Variants in MED12L observed in about 807,000 individuals in gnomAD.
MED12L encodes the protein mediator of RNA polymerase II transcription subunit 12-like protein.
A neutral mutation model predicts 281.3 loss-of-function variants in MED12L; 60 were observed. The ratio of observed to expected loss-of-function variants is 0.21; its 90% CI spans 0.17 to 0.26. The LOEUF (loss-of-function observed/expected upper bound fraction) is 0.26. MED12L is among the 10% of genes least tolerant of loss of function. The pLI, the probability that MED12L is intolerant of heterozygous loss-of-function variation, is 1.00. For missense variants in MED12L, 2,146 were observed against 2,680.9 expected, an observed-to-expected ratio of 0.80 and a Z score of 4.41; for synonymous variants, 974 against 987.2, an observed-to-expected ratio of 0.99 and a Z score of 0.25.
chr3:151,413,350 G>C, intron 42 of MED12L, 55 bp downstream of exon 42: 1 of 1,537,726 alleles, frequency 6.5e-7, no homozygotes, highest in East Asian at 2.3e-5. Context: ...GTGCAAATAT[G>C]CAACAGTCAT....
intron 43 of MED12L, among the ~76,000 whole-genome samples, chr3:151,422,798 G>A (rs1397094412): frequency 1.4e-5 from 2 of 147,206 alleles, no homozygotes; most frequent in African/African-American, 5.0e-5. Context: ...GATGTTGAAG[G>A]CAGTAGGATT....
intron 16 of MED12L, among the ~76,000 whole-genome samples, chr3:151,219,818 G>C (rs1395948414): frequency 6.6e-6 from 1 of 150,730 alleles, no homozygotes; most frequent in Non-Finnish European, 1.5e-5. Context: ...TATTGATTTG[G>C]TTGCAGCCTC....
At chr3:151,178,960 T>C (rs990471039) in intron 11 of MED12L, among the ~76,000 whole-genome samples, 6 of 152,232 alleles carry the variant, frequency 3.9e-5, no homozygotes, top group African/African-American at 7.2e-5. Context: ...CTTTCAATTT[T>C]TTATTTTTAT....
intron 16 of MED12L, chr3:151,338,945 G>A (rs1751423287): frequency 8.5e-7 from 1 of 1,183,148 alleles, no homozygotes; most frequent in African/African-American, 1.5e-5. Context: ...TTTGGACACA[G>A]CCTCCTCTAA....
intron 11 of MED12L, among the ~76,000 whole-genome samples, chr3:151,167,137 A>G (rs1182791756): frequency 6.6e-6 from 1 of 152,242 alleles, no homozygotes; most frequent in Non-Finnish European, 1.5e-5. Flanking sequence ...AACTGGATAC[A>G]ATAGCTTAGC....
At chr3:151,130,733 C>T (rs1036467330) in intron 5 of MED12L, among the ~76,000 whole-genome samples, 5 of 152,228 alleles carry the variant, frequency 3.3e-5, no homozygotes, top group South Asian at 4.1e-4. Context: ...TCTGCCCAGA[C>T]GCGCTTCCTA....
intron 5 of MED12L, among the ~76,000 whole-genome samples, chr3:151,136,876 A>T (rs1302923932): frequency 2.6e-5 from 4 of 152,194 alleles, no homozygotes; most frequent in Non-Finnish European, 4.4e-5. Flanking sequence ...TTATTAAAAA[A>T]GTTTAGGCTG....
intron 16 of MED12L, among the ~76,000 whole-genome samples, chr3:151,227,876 G>T (rs956474124): frequency 1.3e-5 from 2 of 152,150 alleles, no homozygotes; most frequent in South Asian, 2.1e-4. Flanking sequence ...GTATTGTTGG[G>T]TGTTTAGCCG....
Position 151,223,374 on chromosome 3 carries a change from A to C in MED12L, c.2250+29708A>C, listed in dbSNP as rs78736132. On this transcript the variant is annotated intron_variant, in intron 16 of 44. Coordinates refer to ENST00000687756, the MANE Select transcript of MED12L (RefSeq NM_001393769.1). ...CAAAGAAAAACAAATTGTTTTACCAAAAAGACACCTTCATTCACATGTTTA... is the reference window on the plus strand; with the variant it reads ...CAAAGAAAAACAAATTGTTTTACCACAAAGACACCTTCATTCACATGTTTA... Among the ~76,000 whole-genome samples, 54 of 152,306 alleles carry C rather than the reference A, an allele frequency of 3.5e-4. No individual in the cohort carries two copies. In the East Asian group the frequency reaches 8.7e-3, roughly 24 times the overall value.
At chr3:151,287,752 G>A (rs553922740) in intron 16 of MED12L, among the ~76,000 whole-genome samples, 1 of 152,292 alleles carries the variant, frequency 6.6e-6, no homozygotes, top group African/African-American at 2.4e-5. Flanking sequence ...GATGAGCACT[G>A]TGTAAGATTT....
At chr3:151,108,719 G>T (rs1711497965) in intron 2 of MED12L, among the ~76,000 whole-genome samples, 2 of 152,180 alleles carry the variant, frequency 1.3e-5, no homozygotes, top group Non-Finnish European at 2.9e-5. Context: ...GTGACTAGGG[G>T]ACGGAAAAAA....
intron 5 of MED12L, among the ~76,000 whole-genome samples, chr3:151,134,111 G>A (rs1447689504): frequency 6.6e-6 from 1 of 151,902 alleles, no homozygotes; most frequent in African/African-American, 2.4e-5. Flanking sequence ...CTCCCGATGT[G>A]TGCTGGGTAA....
chr3:151,270,035 G>A, intron 16 of MED12L: 1 of 234,910 alleles, frequency 4.3e-6, no homozygotes, highest in Non-Finnish European at 8.3e-6. Context: ...AAGAAGGATG[G>A]GAAGATATTG....
chr3:151,202,159 T>C (rs746327566), intron 16 of MED12L, among the ~76,000 whole-genome samples: 1 of 152,230 alleles, frequency 6.6e-6, no homozygotes, highest in Non-Finnish European at 1.5e-5. Context: ...AACAAATCTG[T>C]TTATTTAAAA....
chr3:151,243,843 C>T (rs375906121), intron 16 of MED12L, among the ~76,000 whole-genome samples: 2 of 150,672 alleles, frequency 1.3e-5, no homozygotes, highest in Non-Finnish European at 3.0e-5. Flanking sequence ...AGAGTCAAGA[C>T]CCATCAGTGT....
rs139386238 is a variant in MED12L, at chr3:151,102,137, G to A, written c.100-14201G>A. On this transcript the variant is annotated intron_variant, in intron 2 of 44. Transcript: ENST00000687756. Reference sequence around the variant, plus strand: ...CTAACTGGCATTAACTGATTTACTTGAAGGTCTTATTATTAAAAGGGCCCT... The same window carrying A: ...CTAACTGGCATTAACTGATTTACTTAAAGGTCTTATTATTAAAAGGGCCCT... Among the ~76,000 whole-genome samples the A allele has an allele frequency of 5.2e-3, 796 of 152,244 alleles. 11 individuals carry two copies. The highest frequency in any genetic ancestry group is 0.018 in the African/African-American group (762 of 41,546).
intron 16 of MED12L, chr3:151,213,149 T>C (rs1033873593): frequency 1.7e-6 from 1 of 598,536 alleles, no homozygotes; most frequent in Non-Finnish European, 2.8e-6. Flanking sequence ...CAAAAAAGCA[T>C]GGAAACTTAT....
At chr3:151,297,386 A>G (rs1228465210) in intron 16 of MED12L, among the ~76,000 whole-genome samples, 1 of 152,140 alleles carries the variant, frequency 6.6e-6, no homozygotes, top group Non-Finnish European at 1.5e-5. Context: ...AATGATTAGC[A>G]GTCACTTTCA....
chr3:151,344,249 C>T (rs12494865), intron 16 of MED12L, among the ~76,000 whole-genome samples: 47,578 of 151,196 alleles, frequency 0.31, 7,759 homozygotes, highest in East Asian at 0.49. Context: ...TAGTTAAATC[C>T]GCCTCCTATT....
Sources: allele counts gnomAD v4.1 joint callset (sites outside exome capture counted in the v4.1 genomes callset), GRCh38; gene constraint gnomAD v4.1.1; transcripts MANE v1.5; gene names NCBI Gene and HGNC (gene_info 2026-07-23, HGNC 2026-07-21).